The following WDPCP variants were observed in gnomAD, a reference collection of about 807,000 sequenced individuals.
The protein encoded by WDPCP is WD repeat-containing and planar cell polarity effector protein fritz homolog.
In WDPCP, 71 loss-of-function variants were observed where a neutral mutation model predicts 93.1. The ratio of observed to expected loss-of-function variants is 0.76; its 90% CI spans 0.63 to 0.93. The LOEUF is 0.93. Ranked by LOEUF, WDPCP falls within the 40% of genes least tolerant of loss-of-function variation. The pLI is 0.00. For synonymous variants in WDPCP, 315 were observed against 315.0 expected, an observed-to-expected ratio of 1.00 and a Z score of 0.00; for missense variants, 844 against 887.4, an observed-to-expected ratio of 0.95 and a Z score of 0.62.
chr2:63,229,142 G>T (rs1678592036), intron 14 of WDPCP: 1 of 152,164 alleles, frequency 6.6e-6, no homozygotes, highest in Non-Finnish European at 1.5e-5. Context: ...GTGTGAGACG[G>T]TATCTCATTG....
chr2:63,390,305 G>A (rs1693123793), intron 10 of WDPCP, among the ~76,000 whole-genome samples: 1 of 151,770 alleles, frequency 6.6e-6, no homozygotes, highest in Admixed American at 6.6e-5. Flanking sequence ...TGACTACTGG[G>A]TAAATAATGA....
intron 2 of WDPCP, among the ~76,000 whole-genome samples, chr2:63,777,839 T>A (rs2103964586): frequency 6.6e-6 from 1 of 152,262 alleles, no homozygotes; most frequent in South Asian, 2.1e-4. Context: ...ATGTTTATTA[T>A]CTTGACTGGG....
At chr2:63,192,128 C>G (rs1335971622) in intron 14 of WDPCP, among the ~76,000 whole-genome samples, 2 of 152,078 alleles carry the variant, frequency 1.3e-5, no homozygotes, top group Non-Finnish European at 2.9e-5. Context: ...TTAACATGTT[C>G]CTTTAGATCC....
At chr2:63,417,054 G>C (rs887840995) in intron 9 of WDPCP, among the ~76,000 whole-genome samples, 21 of 152,160 alleles carry the variant, frequency 1.4e-4, no homozygotes, top group Non-Finnish European at 2.1e-4. Context: ...TGTGTTACAA[G>C]ATTGCTGCAC....
At chr2:63,432,905 A>C (rs1696866643) in intron 9 of WDPCP, among the ~76,000 whole-genome samples, 1 of 152,204 alleles carries the variant, frequency 6.6e-6, no homozygotes. Flanking sequence ...AGAAGCTTAG[A>C]GTATTCATCT....
At chr2:63,324,378 C>T (rs1457006965) in intron 12 of WDPCP, among the ~76,000 whole-genome samples, 1 of 152,078 alleles carries the variant, frequency 6.6e-6, no homozygotes, top group African/African-American at 2.4e-5. Flanking sequence ...GCAAAGAAAT[C>T]TCCAAAGGAC....
At chr2:63,836,133 C>T in the WDPCP span, among the ~76,000 whole-genome samples, 1 of 152,174 alleles carries the variant, frequency 6.6e-6, no homozygotes, top group Admixed American at 6.5e-5. Context: ...GGAATTACAG[C>T]TGTGAGCCAT....
intron 12 of WDPCP, among the ~76,000 whole-genome samples, chr2:63,374,418 C>T (rs938300783): frequency 2.6e-5 from 4 of 152,046 alleles, no homozygotes; most frequent in Non-Finnish European, 4.4e-5. Context: ...GATGATCTGA[C>T]CAGGAGATTT....
At chr2:63,440,321 T>A (rs1243279668) in intron 6 of WDPCP, 2 of 153,022 alleles carry the variant, frequency 1.3e-5, no homozygotes, top group East Asian at 3.8e-4. Flanking sequence ...AAACAGCTAA[T>A]GTTATGCATT....
At chr2:63,267,596 C>G (rs769126342) in intron 13 of WDPCP, among the ~76,000 whole-genome samples, 3 of 152,002 alleles carry the variant, frequency 2.0e-5, no homozygotes, top group Non-Finnish European at 4.4e-5. Context: ...TGATAAGGGG[C>G]CAATATCCAA....
intron 3 of WDPCP, among the ~76,000 whole-genome samples, chr2:63,601,833 A>G (rs1466132026): frequency 6.6e-6 from 1 of 152,208 alleles, no homozygotes; most frequent in Non-Finnish European, 1.5e-5. Flanking sequence ...CTGGTAATAT[A>G]TATCTTGAGT....
At chr2:63,500,452 G>GTGTGTGT (rs1553412910) in intron 1 of WDPCP, among the ~76,000 whole-genome samples, 427 of 22,302 alleles carry the variant, frequency 0.019, 2 homozygotes, top group African/African-American at 0.072. Flanking sequence ...AAATGGTGTG[G>GTGTGTGT]GGGTGTGTGT....
At position 63,327,144 on chromosome 2, in the gene WDPCP, A is replaced by G. The variant is rs914159462; in HGVS notation, c.1749-13833T>C. 6.6e-5 allele frequency among the ~76,000 whole-genome samples: 10 copies of G among 152,316 alleles called. No individual in the cohort carries two copies. The East Asian group carries it at 1.7e-3, about 26-fold the overall frequency. ...ATGGTTCCTCCCAGGCGATTAAGGGAAAAAGACACAATGGGTATTCAGTAA... is the reference window on the plus strand; with the variant it reads ...ATGGTTCCTCCCAGGCGATTAAGGGGAAAAGACACAATGGGTATTCAGTAA... On this transcript the variant is annotated intron_variant, in intron 12 of 17. Coordinates refer to ENST00000272321, the MANE Select transcript of WDPCP (RefSeq NM_015910.7).
At chr2:63,231,472 T>C (rs1242143945) in intron 14 of WDPCP, among the ~76,000 whole-genome samples, 3 of 152,162 alleles carry the variant, frequency 2.0e-5, no homozygotes, top group African/African-American at 7.2e-5. Flanking sequence ...GATAAGCAAC[T>C]TCAGCAAAGT....
At chr2:63,230,714 T>A (rs1678788460) in intron 14 of WDPCP, among the ~76,000 whole-genome samples, 1 of 152,238 alleles carries the variant, frequency 6.6e-6, no homozygotes, top group Non-Finnish European at 1.5e-5. Flanking sequence ...TTCATGTGTC[T>A]GCTGGCTGCA....
Position 63,573,455 on chromosome 2 carries a change from G to C in WDPCP, c.75+14742C>G, listed in dbSNP as rs527703604. On this transcript the variant is annotated intron_variant, in intron 1 of 17. Coordinates refer to ENST00000272321, the MANE Select transcript of WDPCP (RefSeq NM_015910.7). ...TATGCCTGTCTTTACTGCAATCTCT[G>C]ACCATAAATTGTGAAGATTTCATGG... Among the ~76,000 whole-genome samples, 14 of 152,230 alleles carry C rather than the reference G, an allele frequency of 9.2e-5. No individual in the cohort carries two copies. In the South Asian group the frequency reaches 1.9e-3, roughly 20 times the overall value.
intron 17 of WDPCP, among the ~76,000 whole-genome samples, chr2:63,141,117 T>C (rs1469234775): frequency 6.6e-6 from 1 of 152,114 alleles, no homozygotes; most frequent in Admixed American, 6.5e-5. Context: ...TCTCACTCTG[T>C]TGCCCAGGCT....
chr2:63,540,524 C>T lies in WDPCP; in HGVS notation c.76-47584G>A, dbSNP rs180878845. On this transcript the variant is annotated intron_variant, in intron 1 of 17. Coordinates refer to ENST00000272321, the MANE Select transcript of WDPCP (RefSeq NM_015910.7). ...TGCACTCAGTGTTCACCAAGAAGCA[C>T]CTCTAAACCTTAAGACATAAGGAGA... 2.6e-3 allele frequency among the ~76,000 whole-genome samples: 398 copies of T among 152,144 alleles called. 2 individuals are homozygous for T. The highest frequency in any genetic ancestry group is 2.6e-3 in the Non-Finnish European group (176 of 67,998).
intron 12 of WDPCP, among the ~76,000 whole-genome samples, chr2:63,330,237 C>A (rs1388629603): frequency 6.6e-6 from 1 of 152,184 alleles, no homozygotes; most frequent in Non-Finnish European, 1.5e-5. Context: ...TTCTTGCCAG[C>A]CACTTGTTAC....
Sources: allele counts gnomAD v4.1 joint callset (sites outside exome capture counted in the v4.1 genomes callset), GRCh38; gene constraint gnomAD v4.1.1; transcripts MANE v1.5; gene names NCBI Gene and HGNC (gene_info 2026-07-23, HGNC 2026-07-21).